BNC2: variants seen among roughly 807,000 people sequenced by gnomAD.
BNC2 encodes basonuclin zinc finger protein 2.
A neutral mutation model predicts 76.3 loss-of-function variants in BNC2; 20 were observed. The observed-to-expected ratio is 0.26, with a 90% CI of 0.18 to 0.38. The LOEUF (loss-of-function observed/expected upper bound fraction) is 0.38. Ranked by LOEUF, BNC2 falls within the 10% of genes least tolerant of loss-of-function variation. The pLI is 1.00. For synonymous variants in BNC2, 582 were observed against 514.8 expected, an observed-to-expected ratio of 1.13 and a Z score of -1.77; for missense variants, 1,382 against 1,399.8, an observed-to-expected ratio of 0.99 and a Z score of 0.20.
At chr9:16,505,001 C>A (rs2131832667) in intron 5 of BNC2, among the ~76,000 whole-genome samples, 1 of 152,208 alleles carries the variant, frequency 6.6e-6, no homozygotes, top group African/African-American at 2.4e-5. Context: ...ATGAAGTCAA[C>A]TGTCCAGGTT....
rs143387813 is a variant in BNC2, at chr9:16,420,353, C to T, written c.2640-704G>A. On this transcript the variant is annotated intron_variant, in intron 6 of 6. Transcript: ENST00000380672. ...CCCAGTTAAATCTAATAATAAAATACATTTACTTTTTAGAAGTATGTGCAT... is the reference window on the plus strand; with the variant it reads ...CCCAGTTAAATCTAATAATAAAATATATTTACTTTTTAGAAGTATGTGCAT... Among the ~76,000 whole-genome samples, 23 of 152,202 alleles carry T rather than the reference C, an allele frequency of 1.5e-4. No homozygotes were observed. The East Asian group carries it at 2.7e-3, about 18-fold the overall frequency.
At chr9:16,581,156 A>G (rs1418094813) in intron 4 of BNC2, among the ~76,000 whole-genome samples, 3 of 152,222 alleles carry the variant, frequency 2.0e-5, no homozygotes, top group South Asian at 2.1e-4. Context: ...GAATGTGACT[A>G]TATTTGAATA....
At chr9:16,816,539 C>T (rs566390710) in intron 1 of BNC2, among the ~76,000 whole-genome samples, 2 of 152,164 alleles carry the variant, frequency 1.3e-5, no homozygotes, top group East Asian at 1.9e-4. Context: ...CAAAGTATAA[C>T]AATGACAGCA....
chr9:16,519,180 G>A (rs2132046335), intron 5 of BNC2, among the ~76,000 whole-genome samples: 1 of 152,286 alleles, frequency 6.6e-6, no homozygotes, highest in South Asian at 2.1e-4. Flanking sequence ...TGTGTCTCTG[G>A]GAGGTGTGAC....
intron 3 of BNC2, among the ~76,000 whole-genome samples, chr9:16,649,028 G>T (rs1821719196): frequency 6.6e-6 from 1 of 152,178 alleles, no homozygotes; most frequent in Admixed American, 6.5e-5. Context: ...CAAAAACATA[G>T]AAGAAGTGTA....
chr9:16,631,071 C>G (rs1284443790), intron 3 of BNC2, among the ~76,000 whole-genome samples: 1 of 152,078 alleles, frequency 6.6e-6, no homozygotes, highest in African/African-American at 2.4e-5. Flanking sequence ...AATTGATTTA[C>G]TTTGAACAAT....
intron 4 of BNC2, among the ~76,000 whole-genome samples, chr9:16,560,127 A>G (rs934523758): frequency 1.3e-5 from 2 of 152,184 alleles, no homozygotes; most frequent in African/African-American, 4.8e-5. Context: ...CCTCCCCCAG[A>G]GTTTCTGATT....
At chr9:16,806,386 A>T (rs1041679310) in intron 1 of BNC2, among the ~76,000 whole-genome samples, 3 of 152,110 alleles carry the variant, frequency 2.0e-5, no homozygotes, top group Non-Finnish European at 4.4e-5. Context: ...AAGAAAAAAG[A>T]AAAGAAAAGA....
At chr9:16,659,282 G>A (rs892233390) in intron 3 of BNC2, among the ~76,000 whole-genome samples, 2 of 152,140 alleles carry the variant, frequency 1.3e-5, no homozygotes, top group Non-Finnish European at 2.9e-5. Flanking sequence ...GCAATTTCAG[G>A]ACCCCTGTTC....
intron 5 of BNC2, among the ~76,000 whole-genome samples, chr9:16,512,046 TTAATC>T (rs1822769590): frequency 6.6e-6 from 1 of 152,196 alleles, no homozygotes; most frequent in Non-Finnish European, 1.5e-5. Flanking sequence ...AATCAAGCGA[TTAATC>T]TATTGATCTA....
intron 4 of BNC2, among the ~76,000 whole-genome samples, chr9:16,563,538 A>G (rs960154861): frequency 6.6e-6 from 1 of 152,240 alleles, no homozygotes; most frequent in African/African-American, 2.4e-5. Context: ...GACTATAACA[A>G]TATCTGAGTA....
intron 5 of BNC2, among the ~76,000 whole-genome samples, chr9:16,523,875 G>A (rs113864903): frequency 6.6e-6 from 1 of 152,254 alleles, no homozygotes; most frequent in Middle Eastern, 3.4e-3. Flanking sequence ...GCAGTGAACT[G>A]AGATCGTCCA....
chr9:16,801,681 G>C (rs1817783227), intron 1 of BNC2, among the ~76,000 whole-genome samples: 1 of 151,092 alleles, frequency 6.6e-6, no homozygotes, highest in East Asian at 1.9e-4. Flanking sequence ...GAGTGAGAAA[G>C]CCATGCCAAA....
intron 2 of BNC2, among the ~76,000 whole-genome samples, chr9:16,737,085 C>T (rs565350771): frequency 5.3e-5 from 8 of 151,918 alleles, no homozygotes; most frequent in African/African-American, 9.7e-5. Flanking sequence ...GGATTACAGG[C>T]GAGAGCCACC....
At chr9:16,523,592 A>G (rs1817692586) in intron 5 of BNC2, among the ~76,000 whole-genome samples, 1 of 152,122 alleles carries the variant, frequency 6.6e-6, no homozygotes, top group Non-Finnish European at 1.5e-5. Flanking sequence ...TAAAGAGAAG[A>G]AAGGTATAAA....
At position 16,862,332 on chromosome 9, in the gene BNC2, G is replaced by C. The variant is rs115859318; in HGVS notation, c.3+8314C>G. Among the ~76,000 whole-genome samples, 697 of 152,214 alleles carry C rather than the reference G, an allele frequency of 4.6e-3. 6 individuals are homozygous for C. Among genetic ancestry groups the C allele is most frequent in the African/African-American group, 0.016 (670 of 41,526 alleles). ...GGAATATTAATGTACATTTTAAGTG[G>C]GTGAGTTATATCTCAATAAAGCTAA... On this transcript the variant is annotated intron_variant, in intron 1 of 6. Coordinates refer to ENST00000380672, the MANE Select transcript of BNC2 (RefSeq NM_017637.6).
chr9:16,504,079 C>A (rs1822575991), intron 5 of BNC2, among the ~76,000 whole-genome samples: 1 of 152,102 alleles, frequency 6.6e-6, no homozygotes, highest in South Asian at 2.1e-4. Context: ...AGCAAAAACA[C>A]ATCACCTGCA....
At chr9:16,751,980 G>C (rs1825229117) in intron 1 of BNC2, among the ~76,000 whole-genome samples, 1 of 152,038 alleles carries the variant, frequency 6.6e-6, no homozygotes, top group Admixed American at 6.6e-5. Context: ...AGTGAGCCCA[G>C]ATCACGCCAC....
chr9:16,865,605 T>A (rs1819524951), intron 1 of BNC2, among the ~76,000 whole-genome samples: 1 of 152,180 alleles, frequency 6.6e-6, no homozygotes, highest in African/African-American at 2.4e-5. Context: ...CTTAGGAAGT[T>A]TATTTTAAAT....
Sources: gnomAD v4.1 joint callset for allele counts (sites outside exome capture counted in the v4.1 genomes callset) on GRCh38, gnomAD v4.1.1 for gene constraint, MANE v1.5 for transcripts, NCBI Gene and HGNC (gene_info 2026-07-23, HGNC 2026-07-21) for gene names.